F8: variants seen among roughly 807,000 people sequenced by gnomAD.
The protein encoded by F8 is coagulation factor VIII, also known as antihemophilic factor.
In F8, 12 loss-of-function variants were observed where a neutral mutation model predicts 140.6. That is an observed-to-expected ratio of 0.09 (90% confidence interval 0.05 to 0.14). The LOEUF (loss-of-function observed/expected upper bound fraction) is 0.14. Among genes scored for constraint, F8 ranks in the 10% least tolerant of loss-of-function variants. The probability of loss-of-function intolerance (pLI) is 1.00; values close to 1 mark genes in which losing one functional copy is unlikely to be tolerated. For synonymous variants in F8, 585 were observed against 614.6 expected (o/e 0.95, Z 0.71); for missense variants, 1,354 against 1,720.7 (o/e 0.79, Z 3.77).
chrX:154,836,359 G>C lies in F8; in HGVS notation c.*1238C>G, dbSNP rs1199708411. On this transcript the variant is annotated 3_prime_UTR_variant, in exon 26 of 26. Coordinates refer to ENST00000360256, the MANE Select transcript of F8 (RefSeq NM_000132.4). ...CTGTGTAGTCATAGTGAAGGGGTCA[G>C]GCAGATGGAAGGAGCAGTAAACCCT... 20 of 111,331 alleles carry C rather than the reference G, an allele frequency of 1.8e-4. No individual in the cohort carries two copies. The highest frequency in any genetic ancestry group is 5.2e-4 in the African/African-American group (16 of 30,581). The allele number at this position is 111,331 out of a possible 1,213,427, so 9.2% of individuals were successfully genotyped here.
chrX:154,933,375 C>T (rs1179107179), intron 13 of F8, among the ~76,000 whole-genome samples: 1 of 111,905 alleles, frequency 8.9e-6, no homozygotes, highest in Non-Finnish European at 1.9e-5. Context: ...GCTATCTGGC[C>T]AAGTTGGGGT....
chrX:154,999,775 T>C (rs1172634621), intron 1 of F8, among the ~76,000 whole-genome samples, 175 bp from the exon 2 acceptor site: 1 of 112,354 alleles, frequency 8.9e-6, no homozygotes, highest in Admixed American at 9.4e-5. Flanking sequence ...AACTGATACA[T>C]TAGGTGCCAT....
intron 10 of F8, among the ~76,000 whole-genome samples, chrX:154,958,273 T>C (rs1222689791): frequency 1.8e-5 from 2 of 112,130 alleles, no homozygotes; most frequent in Non-Finnish European, 3.8e-5. Context: ...TTGGTTCTGC[T>C]ATCCCCTCAG....
chrX:154,956,353 A>G (rs2073365065), intron 11 of F8, among the ~76,000 whole-genome samples: 1 of 112,448 alleles, frequency 8.9e-6, no homozygotes, highest in East Asian at 2.8e-4. Context: ...AGATTAAAGT[A>G]AAGACAGGCA....
At chrX:154,942,989 A>G (rs1478324709) in intron 13 of F8, among the ~76,000 whole-genome samples, 1 of 110,688 alleles carries the variant, frequency 9.0e-6, no homozygotes, top group Non-Finnish European at 1.9e-5. Flanking sequence ...AAAAACTCTC[A>G]ATAAATTTGG....
intron 3 of F8, among the ~76,000 whole-genome samples, chrX:154,996,696 T>A: frequency 9.0e-6 from 1 of 111,639 alleles, no homozygotes; most frequent in African/African-American, 3.3e-5. Flanking sequence ...TGAGAAATGT[T>A]TAATTTTAGG....
intron 13 of F8, among the ~76,000 whole-genome samples, chrX:154,942,206 C>CA (rs1423234837): frequency 3.4e-4 from 37 of 107,377 alleles, no homozygotes; most frequent in African/African-American, 1.2e-3. Flanking sequence ...AAAAACCCTT[C>CA]AAAAAATTAA....
chrX:154,954,189 G>T, intron 11 of F8, 147 bp from the exon 12 acceptor site: 1 of 615,430 alleles, frequency 1.6e-6, no homozygotes, highest in South Asian at 2.6e-5. Flanking sequence ...ATGTACCAGG[G>T]CTTGGGAGTT....
At chrX:154,985,184 G>A (rs1321876005) in intron 5 of F8, among the ~76,000 whole-genome samples, 1 of 111,651 alleles carries the variant, frequency 9.0e-6, no homozygotes, top group African/African-American at 3.2e-5. Context: ...ACCTGTAATC[G>A]TAGCACTCTG....
rs781909704 is a variant in F8, at chrX:155,016,376, G to A, written c.143+6034C>T. Reference sequence around the variant, plus strand: ...ATGGTACGTTCAAGAAATCTGTCTGGCAGTTTCTCTTAAACATGCACTTAC... The same window carrying A: ...ATGGTACGTTCAAGAAATCTGTCTGACAGTTTCTCTTAAACATGCACTTAC... On this transcript the variant is annotated intron_variant, in intron 1 of 25. Transcript: ENST00000360256. Among the ~76,000 whole-genome samples, 41 of 111,888 alleles carry A rather than the reference G, an allele frequency of 3.7e-4. 1 individual carries two copies. The highest frequency in any genetic ancestry group is 6.6e-4 in the Non-Finnish European group (35 of 53,177).
At chrX:154,975,313 C>T (rs1340187224) in intron 6 of F8, among the ~76,000 whole-genome samples, 1 of 111,879 alleles carries the variant, frequency 8.9e-6, no homozygotes, top group Non-Finnish European at 1.9e-5. Flanking sequence ...TTTAACTTCT[C>T]CTTTAATTTC....
intron 1 of F8, among the ~76,000 whole-genome samples, chrX:155,001,772 C>T (rs1436088607): frequency 5.4e-5 from 6 of 110,460 alleles, no homozygotes; most frequent in Non-Finnish European, 7.6e-5. Context: ...ATTAGCCAGG[C>T]GTGGTGGTGT....
chrX:154,916,954 G>C (rs1329809807), intron 14 of F8, among the ~76,000 whole-genome samples: 1 of 110,399 alleles, frequency 9.1e-6, no homozygotes, highest in Non-Finnish European at 1.9e-5. Flanking sequence ...TACCGCTTTT[G>C]TTGTATCCCA....
intron 14 of F8, chrX:154,909,645 C>A: frequency 8.6e-6 from 1 of 116,183 alleles, no homozygotes. Context: ...AAGATACTAG[C>A]TTCAAATTTG....
Position 155,018,119 on chromosome X carries a change from C to T in F8, c.143+4291G>A, listed in dbSNP as rs781937771. Among the ~76,000 whole-genome samples the T allele has an allele frequency of 1.2e-4, 13 of 109,702 alleles. No individual in the cohort carries two copies. The East Asian group carries it at 3.7e-3, about 31-fold the overall frequency. On this transcript the variant is annotated intron_variant, in intron 1 of 25. Transcript: ENST00000360256. ...CTGACCTCAGGTGATCTGCCTGCCTCGGCCTCCCAAAGTGCTGGGATTACA... is the reference window on the plus strand; with the variant it reads ...CTGACCTCAGGTGATCTGCCTGCCTTGGCCTCCCAAAGTGCTGGGATTACA...
At chrX:154,842,042 A>AT (rs1557271370) in intron 25 of F8, among the ~76,000 whole-genome samples, 1 of 111,826 alleles carries the variant, frequency 8.9e-6, no homozygotes, top group African/African-American at 3.2e-5. Context: ...CTGGATCTGG[A>AT]TTTTTTAAAT....
intron 22 of F8, among the ~76,000 whole-genome samples, chrX:154,879,828 G>A (rs2072846455): frequency 9.0e-6 from 1 of 111,294 alleles, no homozygotes; most frequent in Non-Finnish European, 1.9e-5. Flanking sequence ...GTTTAAAAGT[G>A]TATGACATTT....
chrX:154,982,380 A>AG, intron 6 of F8, among the ~76,000 whole-genome samples: 1 of 97,447 alleles, frequency 1.0e-5, no homozygotes, highest in South Asian at 5.3e-4. Flanking sequence ...CCCGGGGGGC[A>AG]GAGCCTGCAG....
At chrX:154,984,222 G>T (rs1557284002) in intron 6 of F8, among the ~76,000 whole-genome samples, 1 of 111,433 alleles carries the variant, frequency 9.0e-6, no homozygotes, top group Non-Finnish European at 1.9e-5. Flanking sequence ...AAGCCAGCCT[G>T]CCTCTATGCC....
Sources: gnomAD v4.1 joint callset for allele counts (sites outside exome capture counted in the v4.1 genomes callset) on GRCh38, gnomAD v4.1.1 for gene constraint, MANE v1.5 for transcripts, NCBI Gene and HGNC (gene_info 2026-07-23, HGNC 2026-07-21) for gene names.